Variants in HEATR5A observed in about 807,000 individuals in gnomAD.
HEATR5A encodes the protein HEAT repeat containing 5A.
Under a neutral mutation model 218.8 loss-of-function variants are expected in HEATR5A, and 178 were observed. That is an observed-to-expected ratio of 0.81 (90% CI 0.72 to 0.92). The LOEUF is 0.92. Ranked by LOEUF, HEATR5A falls within the 40% of genes least tolerant of loss-of-function variation. HEATR5A has a pLI of 0.00. For synonymous variants in HEATR5A, 864 were observed against 871.6 expected, an observed-to-expected ratio of 0.99 and a Z score of 0.15; for missense variants, 2,420 against 2,418.9, an observed-to-expected ratio of 1.00 and a Z score of -0.01.
intron 1 of HEATR5A, among the ~76,000 whole-genome samples, chr14:31,414,552 T>A (rs2031384961): frequency 6.6e-6 from 1 of 152,214 alleles, no homozygotes; most frequent in South Asian, 2.1e-4. Flanking sequence ...GTGCAAAGTG[T>A]ACAAGATGCC....
chr14:31,299,751 G>A (rs1486341157), intron 33 of HEATR5A, among the ~76,000 whole-genome samples: 5 of 148,892 alleles, frequency 3.4e-5, no homozygotes, highest in Non-Finnish European at 5.9e-5. Context: ...AAACCCTTTC[G>A]GCCGGGCATG....
intron 16 of HEATR5A, among the ~76,000 whole-genome samples, chr14:31,351,666 T>A (rs919384044): frequency 1.3e-5 from 2 of 152,168 alleles, no homozygotes; most frequent in Admixed American, 6.5e-5. Context: ...TCTGGTTAGC[T>A]ATAGATGCCA....
chr14:31,314,906 C>T (rs1029134762), intron 27 of HEATR5A, among the ~76,000 whole-genome samples: 7 of 152,124 alleles, frequency 4.6e-5, no homozygotes, highest in African/African-American at 1.7e-4. Flanking sequence ...GGCGTGGTGG[C>T]TCATGCTTGT....
In HEATR5A at chr14:31,386,490, T is replaced by G; in HGVS notation, c.1275A>C (p.Leu425Phe). 1 of 1,613,676 alleles carries G rather than the reference T, an allele frequency of 6.2e-7. No individual in the cohort carries two copies. Among genetic ancestry groups the G allele is most frequent in the Admixed American group, 1.7e-5 (1 of 59,946 alleles). Residue 425 changes from leucine to phenylalanine, a missense_variant, in exon 9 of 36, where the codon TTA becomes TTC. Physicochemically the swap from Leu to Phe is conservative, Grantham distance 22 (BLOSUM62 0). Transcript: ENST00000543095. The part of the protein sequence containing the change: ...AASQHMLVCA[L>F]QELGNLIHNL... ...TGTGTATGAGATTTCCAAGTTCTTGTAAAGCACAAACCAGCATATGTTGGC... is the reference window on the plus strand; with the variant it reads ...TGTGTATGAGATTTCCAAGTTCTTGGAAAGCACAAACCAGCATATGTTGGC...
At chr14:31,404,225 A>G (rs957179219) in intron 1 of HEATR5A, among the ~76,000 whole-genome samples, 1 of 152,238 alleles carries the variant, frequency 6.6e-6, no homozygotes, top group East Asian at 1.9e-4. Context: ...GGGTATTCCT[A>G]TTCACTAGTG....
intron 6 of HEATR5A, among the ~76,000 whole-genome samples, chr14:31,392,368 T>C (rs886697958): frequency 1.3e-5 from 2 of 152,210 alleles, no homozygotes; most frequent in Admixed American, 1.3e-4. Context: ...CTTGGCTTTC[T>C]TTCCTGCCTT....
In HEATR5A at chr14:31,319,145, T is replaced by A. The variant is rs181279754; in HGVS notation, c.3970-853A>T. 1.1e-3 allele frequency among the ~76,000 whole-genome samples: 164 copies of A among 152,256 alleles called. No individual in the cohort carries two copies. The Middle Eastern group carries it at 0.014, about 13-fold the overall frequency. On this transcript the variant is annotated intron_variant, in intron 25 of 35. Transcript: ENST00000543095. The stretch of plus-strand genomic sequence containing the variant: ...TGAATTATAATATTTCATTCTAATA[T>A]AATAGTTCTTTTTTTTCTTTTTTTG...
At position 31,350,501 on chromosome 14, in the gene HEATR5A, A is replaced by C. The variant is rs533205061; in HGVS notation, c.2517+111T>G. On this transcript the variant is annotated intron_variant, in intron 17 of 35. Coordinates refer to ENST00000543095, the MANE Select transcript of HEATR5A (RefSeq NM_015473.4). ...AAAACTTTTCATCAAGAGATTAAGAAAAATGAAGGAAAAAAGAGCATTTTA... is the reference window on the plus strand; with the variant it reads ...AAAACTTTTCATCAAGAGATTAAGACAAATGAAGGAAAAAAGAGCATTTTA... 1.7e-4 allele frequency: 112 copies of C among 640,702 alleles called. No homozygotes were observed. The African/African-American group carries it at 1.9e-3, about 11-fold the overall frequency. 39.7% of individuals were successfully genotyped at this position (640,702 alleles called of 1,614,324 possible).
At chr14:31,418,037 G>A (rs1186634388) in intron 1 of HEATR5A, among the ~76,000 whole-genome samples, 2 of 151,820 alleles carry the variant, frequency 1.3e-5, no homozygotes, top group African/African-American at 2.4e-5. Context: ...GTGAAATCCC[G>A]TCTCTACTAA....
intron 11 of HEATR5A, among the ~76,000 whole-genome samples, chr14:31,376,274 G>A (rs1028841274): frequency 7.9e-5 from 12 of 152,184 alleles, no homozygotes; most frequent in African/African-American, 2.9e-4. Context: ...CCAGCACTTT[G>A]AGAGGCCGAG....
chr14:31,362,777 C>CA (rs71430950), intron 14 of HEATR5A, among the ~76,000 whole-genome samples: 42,324 of 132,210 alleles, frequency 0.32, 6,935 homozygotes, highest in Middle Eastern at 0.41. Flanking sequence ...GGCCCCATCT[C>CA]AAAAAAAAAA....
At position 31,353,133 on chromosome 14, in the gene HEATR5A, C is replaced by A. The variant is rs556967895; in HGVS notation, c.2412-2416G>T. Among the ~76,000 whole-genome samples, 17 of 151,868 alleles carry A rather than the reference C, an allele frequency of 1.1e-4. No homozygotes were observed. The East Asian group carries it at 3.3e-3, about 29-fold the overall frequency. On this transcript the variant is annotated intron_variant, in intron 16 of 35. Coordinates refer to ENST00000543095, the MANE Select transcript of HEATR5A (RefSeq NM_015473.4). Reference sequence around the variant, plus strand: ...AAAATAAAATTTACCCCAAATCCCACCACCTACAAAGAGCCGCCATTAACA... The same window carrying A: ...AAAATAAAATTTACCCCAAATCCCAACACCTACAAAGAGCCGCCATTAACA...
intron 1 of HEATR5A, among the ~76,000 whole-genome samples, chr14:31,412,092 G>C (rs2031294245): frequency 6.6e-6 from 1 of 152,072 alleles, no homozygotes. Flanking sequence ...CTGGCCTCAA[G>C]TGATCTGCCC....
Position 31,302,315 on chromosome 14 carries a change from A to C in HEATR5A, c.5444T>G (p.Ile1815Ser), listed in dbSNP as rs772867991. Residue 1815 changes from isoleucine (I) to serine (S), a missense_variant, in exon 33 of 36, where the codon ATT (isoleucine) becomes AGT (serine). By Grantham distance (142) the Ile-to-Ser change is moderately radical (BLOSUM62 -2). Transcript: ENST00000543095. ...TDLLRSALTTILDCWDPVDET... is the reference protein window; with the variant it reads ...TDLLRSALTTSLDCWDPVDET... ...ATTACCTGGATCCCAACAGTCAAGA[A>C]TTGTTGTTAAGGCACTTCGGAGAAG... is the stretch of plus-strand genomic sequence containing the variant. 5 of 1,597,918 alleles carry C rather than the reference A, an allele frequency of 3.1e-6. No homozygotes were observed. The East Asian group carries it at 1.1e-4, about 36-fold the overall frequency.
chr14:31,313,301 G>C (rs1899815189), intron 27 of HEATR5A, 111 bp from the exon 28 acceptor site: 2 of 755,146 alleles, frequency 2.6e-6, no homozygotes, highest in South Asian at 3.5e-5. Flanking sequence ...TACTGGACTT[G>C]AAATGCACTG....
At position 31,315,892 on chromosome 14, in the gene HEATR5A, C is replaced by T; in HGVS notation, c.4096G>A (p.Val1366Ile). ...AACGATGAAACAAGCAACTGATGAACTCTTCGGAGATCATTAAGGTCACTT... is the reference window on the plus strand; with the variant it reads ...AACGATGAAACAAGCAACTGATGAATTCTTCGGAGATCATTAAGGTCACTT... The part of the protein sequence containing the change: ...VVSDLNDLRR[V>I]HQLLVSSLTK... Residue 1366 changes from valine (V) to isoleucine (I), a missense_variant, in exon 27 of 36, where the codon GTT becomes ATT. By Grantham distance (29) the Val-to-Ile change is conservative. Coordinates refer to ENST00000543095, the MANE Select transcript of HEATR5A (RefSeq NM_015473.4). The T allele has an allele frequency of 6.3e-7, 1 of 1,591,940 alleles. No homozygotes were observed. Among genetic ancestry groups the T allele is most frequent in the Non-Finnish European group, 8.6e-7 (1 of 1,168,448 alleles).
chr14:31,418,426 G>A (rs1408920251), intron 1 of HEATR5A, among the ~76,000 whole-genome samples: 1 of 152,160 alleles, frequency 6.6e-6, no homozygotes, highest in African/African-American at 2.4e-5. Flanking sequence ...TAACGAAGGA[G>A]CATTGTTGTG....
chr14:31,336,339 C>T (rs983592798), intron 22 of HEATR5A, among the ~76,000 whole-genome samples: 3 of 149,226 alleles, frequency 2.0e-5, no homozygotes, highest in Non-Finnish European at 4.4e-5. Context: ...GGCCATCCTC[C>T]CATCTTGGCC....
chr14:31,302,213 C>G (rs940752462), intron 33 of HEATR5A, 82 bp downstream of exon 33: 1 of 969,694 alleles, frequency 1.0e-6, no homozygotes. Context: ...CAAATATGAT[C>G]AAGTAAAATA....
Sources: gnomAD v4.1 joint callset for allele counts (sites outside exome capture counted in the v4.1 genomes callset) on GRCh38, gnomAD v4.1.1 for gene constraint, MANE v1.5 for transcripts, NCBI Gene and HGNC (gene_info 2026-07-23, HGNC 2026-07-21) for gene names.